NOL4: variants seen among roughly 807,000 people sequenced by gnomAD.
The protein encoded by NOL4 is cancer/testis antigen 125.
NOL4 carries 17 observed loss-of-function variants against 75.9 expected under a neutral mutation model. That is an observed-to-expected ratio of 0.22 (90% confidence interval 0.15 to 0.34). The LOEUF (loss-of-function observed/expected upper bound fraction) is 0.34. Among genes scored for constraint, NOL4 ranks in the 10% least tolerant of loss-of-function variants. The pLI is 1.00. For synonymous variants in NOL4, 292 were observed against 289.9 expected, an observed-to-expected ratio of 1.01 and a Z score of -0.07; for missense variants, 614 against 793.5, an observed-to-expected ratio of 0.77 and a Z score of 2.72.
At chr18:33,916,365 T>G (rs1881606624) in intron 9 of NOL4, among the ~76,000 whole-genome samples, 1 of 152,126 alleles carries the variant, frequency 6.6e-6, no homozygotes, top group Admixed American at 6.6e-5. Context: ...CTTCAGCCTC[T>G]CGGGCTGCAA....
chr18:34,119,373 GGT>G (rs2080013213), intron 2 of NOL4, among the ~76,000 whole-genome samples: 1 of 152,072 alleles, frequency 6.6e-6, no homozygotes, highest in Admixed American at 6.5e-5. Context: ...CATACTCCCT[GGT>G]GGAGGATTCT....
intron 5 of NOL4, among the ~76,000 whole-genome samples, chr18:34,088,314 A>G (rs75129858): frequency 1.3e-5 from 2 of 152,224 alleles, no homozygotes; most frequent in East Asian, 3.9e-4. Flanking sequence ...CAGCTGTTTT[A>G]GAAGGTACAA....
intron 2 of NOL4, among the ~76,000 whole-genome samples, chr18:34,122,440 G>A (rs1287826216): frequency 2.0e-5 from 3 of 151,724 alleles, no homozygotes; most frequent in Non-Finnish European, 4.4e-5. Flanking sequence ...ATTAAGAGGG[G>A]GAAAAAAGCA....
intron 9 of NOL4, among the ~76,000 whole-genome samples, chr18:33,938,136 G>A (rs977079713): frequency 9.2e-5 from 14 of 152,070 alleles, no homozygotes; most frequent in Admixed American, 2.6e-4. Flanking sequence ...CTCATATTCT[G>A]GCTTTCTCGT....
At chr18:34,152,036 C>G (rs192632362) in intron 1 of NOL4, among the ~76,000 whole-genome samples, 5 of 151,606 alleles carry the variant, frequency 3.3e-5, no homozygotes, top group Non-Finnish European at 7.4e-5. Flanking sequence ...AATATAATAA[C>G]GAAATCTTTG....
chr18:34,045,836 A>T (rs1049663696), intron 5 of NOL4, among the ~76,000 whole-genome samples: 1 of 152,164 alleles, frequency 6.6e-6, no homozygotes, highest in Non-Finnish European at 1.5e-5. Flanking sequence ...TCTGATTTTT[A>T]AAAGCAAATA....
At chr18:33,919,225 A>T (rs1267184604) in intron 9 of NOL4, among the ~76,000 whole-genome samples, 1 of 152,082 alleles carries the variant, frequency 6.6e-6, no homozygotes, top group African/African-American at 2.4e-5. Flanking sequence ...TCTTAAGTTG[A>T]TCTAAAAGCA....
At chr18:33,868,752 A>G (rs1599682384) in intron 10 of NOL4, among the ~76,000 whole-genome samples, 1 of 151,724 alleles carries the variant, frequency 6.6e-6, no homozygotes, top group South Asian at 2.1e-4. Context: ...ACTTGGGACA[A>G]TGAAAATCTA....
At chr18:34,112,330 C>A (rs1217953265) in intron 2 of NOL4, among the ~76,000 whole-genome samples, 1 of 151,604 alleles carries the variant, frequency 6.6e-6, no homozygotes, top group East Asian at 1.9e-4. Flanking sequence ...GATTGTGCCA[C>A]TGCACTCTAG....
At chr18:34,064,876 A>C (rs2077203546) in intron 5 of NOL4, among the ~76,000 whole-genome samples, 1 of 151,718 alleles carries the variant, frequency 6.6e-6, no homozygotes, top group Non-Finnish European at 1.5e-5. Context: ...TAATGCATAA[A>C]AATTTCAAAA....
intron 6 of NOL4, among the ~76,000 whole-genome samples, chr18:34,017,588 GTTC>G (rs1366168587): frequency 6.6e-6 from 1 of 151,978 alleles, no homozygotes; most frequent in African/African-American, 2.4e-5. Context: ...TATTTACTAT[GTTC>G]TTTTTGAAGA....
intron 5 of NOL4, among the ~76,000 whole-genome samples, chr18:34,022,079 G>A (rs982739381): frequency 1.6e-4 from 24 of 151,286 alleles, no homozygotes; most frequent in African/African-American, 5.8e-4. Flanking sequence ...ACTCCAGCCT[G>A]GGCAACAAGA....
intron 9 of NOL4, among the ~76,000 whole-genome samples, chr18:33,941,283 T>C (rs1240548247): frequency 6.6e-6 from 1 of 151,944 alleles, no homozygotes; most frequent in Non-Finnish European, 1.5e-5. Context: ...AGTGATATTA[T>C]AGGTAGTATA....
intron 10 of NOL4, among the ~76,000 whole-genome samples, chr18:33,859,464 C>CAAATG (rs1402989207): frequency 2.0e-5 from 3 of 151,922 alleles, no homozygotes; most frequent in Admixed American, 6.6e-5. Flanking sequence ...TCTGGTGTAA[C>CAAATG]TTTTTTTGTT....
intron 6 of NOL4, among the ~76,000 whole-genome samples, chr18:33,968,938 T>C (rs2070824515): frequency 6.6e-6 from 1 of 152,242 alleles, no homozygotes; most frequent in African/African-American, 2.4e-5. Flanking sequence ...ATTCAGTCTT[T>C]ATTCTGTCTA....
At chr18:34,221,759 A>G (rs557064842) in intron 1 of NOL4, among the ~76,000 whole-genome samples, 1 of 152,306 alleles carries the variant, frequency 6.6e-6, no homozygotes, top group South Asian at 2.1e-4. Flanking sequence ...TGATTTCCAA[A>G]CCTAAAAGAC....
intron 6 of NOL4, among the ~76,000 whole-genome samples, chr18:33,967,817 G>A (rs776152965): frequency 1.4e-4 from 21 of 152,142 alleles, no homozygotes; most frequent in Non-Finnish European, 2.9e-4. Flanking sequence ...ATCTGGGCAC[G>A]GTGGCTCATG....
chr18:34,023,315 C>T, intron 5 of NOL4: 1 of 414,038 alleles, frequency 2.4e-6, no homozygotes, highest in South Asian at 1.7e-5. Context: ...TCATGTTAAC[C>T]ATTTTTATTC....
intron 10 of NOL4, among the ~76,000 whole-genome samples, chr18:33,870,810 C>T (rs2063664655): frequency 6.6e-6 from 1 of 152,122 alleles, no homozygotes; most frequent in African/African-American, 2.4e-5. Flanking sequence ...GAAGACTGTA[C>T]AAGCTACTTT....
Sources: allele counts gnomAD v4.1 joint callset (sites outside exome capture counted in the v4.1 genomes callset), GRCh38; gene constraint gnomAD v4.1.1; transcripts MANE v1.5; gene names NCBI Gene and HGNC (gene_info 2026-07-23, HGNC 2026-07-21).